TXNDC16: variants seen among roughly 807,000 people sequenced by gnomAD.
The protein encoded by TXNDC16 is thioredoxin domain-containing protein 16.
TXNDC16 carries 74 observed loss-of-function variants against 85.6 expected under a neutral mutation model. The observed-to-expected ratio is 0.86, with a 90% CI of 0.72 to 1.05. The LOEUF (loss-of-function observed/expected upper bound fraction) is 1.05, where lower values mean the gene tolerates loss of function less well. TXNDC16 is among the 50% of genes least tolerant of loss of function. The pLI, the probability that TXNDC16 is intolerant of heterozygous loss-of-function variation, is 0.00. For synonymous variants in TXNDC16, 335 were observed against 326.5 expected (o/e 1.03, Z -0.28); for missense variants, 959 against 947.0 (o/e 1.01, Z -0.17).
chr14:52,464,072 T>C (rs2140124499), intron 16 of TXNDC16, among the ~76,000 whole-genome samples: 1 of 152,330 alleles, frequency 6.6e-6, no homozygotes, highest in Non-Finnish European at 1.5e-5. Flanking sequence ...TTGACTTGTA[T>C]TGCGAGATGA....
At chr14:52,541,320 T>G (rs2037826891) in intron 4 of TXNDC16, among the ~76,000 whole-genome samples, 1 of 152,226 alleles carries the variant, frequency 6.6e-6, no homozygotes, top group Non-Finnish European at 1.5e-5. Context: ...CTATTCAAGT[T>G]ACTATATGCA....
chr14:52,435,966 G>A (rs1447511068), intron 20 of TXNDC16, among the ~76,000 whole-genome samples: 2 of 151,944 alleles, frequency 1.3e-5, no homozygotes, highest in East Asian at 1.9e-4. Context: ...GTGACAGAGT[G>A]AGACCCTGTC....
At chr14:52,461,860 T>C (rs2035659805) in intron 16 of TXNDC16, among the ~76,000 whole-genome samples, 1 of 152,252 alleles carries the variant, frequency 6.6e-6, no homozygotes. Context: ...TGCAAAGCTC[T>C]AGGGAAGCTC....
chr14:52,530,585 T>C (rs1206773185), intron 6 of TXNDC16, among the ~76,000 whole-genome samples: 2 of 34,860 alleles, frequency 5.7e-5, no homozygotes, highest in African/African-American at 3.0e-4. Flanking sequence ...ATAATTATTA[T>C]ATATAATATA....
chr14:52,445,957 GAC>G (rs1347826105), intron 18 of TXNDC16, among the ~76,000 whole-genome samples: 1 of 152,190 alleles, frequency 6.6e-6, no homozygotes, highest in Non-Finnish European at 1.5e-5. Flanking sequence ...CCTTTCATAA[GAC>G]AATATTTTTT....
intron 6 of TXNDC16, among the ~76,000 whole-genome samples, chr14:52,530,192 T>TATAAAATA (rs2037473002): frequency 1.2e-5 from 1 of 80,376 alleles, no homozygotes; most frequent in Non-Finnish European, 2.1e-5. Context: ...ATATATTATA[T>TATAAAATA]TTATATATAT....
At chr14:52,454,580 G>C (rs1273057569) in intron 18 of TXNDC16, among the ~76,000 whole-genome samples, 2 of 147,538 alleles carry the variant, frequency 1.4e-5, no homozygotes, top group African/African-American at 2.5e-5. Flanking sequence ...GAGGCAGGCG[G>C]ATCACTTGAG....
At chr14:52,477,050 C>A (rs1594711174) in intron 14 of TXNDC16, among the ~76,000 whole-genome samples, 1 of 152,090 alleles carries the variant, frequency 6.6e-6, no homozygotes, top group Non-Finnish European at 1.5e-5. Flanking sequence ...AATTATCAGC[C>A]AAGAATTTTG....
intron 13 of TXNDC16, 84 bp from the exon 14 acceptor site, chr14:52,482,373 A>T (rs1467348852): frequency 8.5e-7 from 1 of 1,181,848 alleles, no homozygotes; most frequent in South Asian, 1.4e-5. Flanking sequence ...ATACAGATTT[A>T]TGAGGTTTCC....
chr14:52,540,341 T>C (rs1020872515), intron 4 of TXNDC16, among the ~76,000 whole-genome samples: 2 of 152,182 alleles, frequency 1.3e-5, no homozygotes, highest in African/African-American at 4.8e-5. Flanking sequence ...TAAACTTCAA[T>C]GGGCTAGGCG....
At chr14:52,544,022 A>C (rs1017580723) in intron 2 of TXNDC16, among the ~76,000 whole-genome samples, 29 of 152,240 alleles carry the variant, frequency 1.9e-4, no homozygotes, top group African/African-American at 7.0e-4. Context: ...ATGGGAGTGA[A>C]ACAGCCAAAA....
At chr14:52,448,221 AAAG>A (rs2035329304) in intron 18 of TXNDC16, among the ~76,000 whole-genome samples, 1 of 152,136 alleles carries the variant, frequency 6.6e-6, no homozygotes. Flanking sequence ...GATTTAACCC[AAAG>A]AAGATTACTT....
chr14:52,528,655 T>C (rs1470449008), intron 6 of TXNDC16, among the ~76,000 whole-genome samples: 2 of 151,114 alleles, frequency 1.3e-5, no homozygotes, highest in Admixed American at 1.3e-4. Context: ...AATTGCTTAG[T>C]AGTAAGTCAC....
chr14:52,524,377 G>C (rs2037278144), intron 6 of TXNDC16, among the ~76,000 whole-genome samples: 1 of 152,222 alleles, frequency 6.6e-6, no homozygotes, highest in Non-Finnish European at 1.5e-5. Context: ...ACAAAATACA[G>C]TATTGTCACA....
At position 52,530,453 on chromosome 14, in the gene TXNDC16, TA is replaced by T. The variant is rs374656275; in HGVS notation, c.392+6265del. Among the ~76,000 whole-genome samples the T allele has an allele frequency of 3.6e-3, 36 of 9,868 alleles. 2 individuals carry two copies. The highest frequency in any genetic ancestry group is 8.8e-3 in the South Asian group (2 of 228). 6.5% of individuals were successfully genotyped at this position (9,868 alleles called of 152,430 possible). A position where few individuals can be genotyped will look rare whatever the true frequency, so the allele number is the denominator to read the frequency against. On this transcript the variant is annotated intron_variant, in intron 6 of 20. Transcript: ENST00000281741. ...TAATAATATATAATATATTATTATA[TA>T]ATAATATATATTATATATTATTATA...
chr14:52,470,110 C>T lies in TXNDC16; in HGVS notation c.1545G>A (p.Gly515=). ...ACAAGATGAGGTCTTTATATAATTC[C>T]CCACTTAAATATTCTTCTGCTTCTT... ...SIQEAEEYLS[G]ELYKDLILYS... Residue 515 remains glycine, a synonymous_variant, in exon 16 of 21, where the codon GGG becomes GGA. Transcript: ENST00000281741. 15 of 1,610,832 alleles carry T rather than the reference C, an allele frequency of 9.3e-6. No individual in the cohort carries two copies. Among genetic ancestry groups the T allele is most frequent in the Non-Finnish European group, 1.3e-5 (15 of 1,178,224 alleles).
chr14:52,502,741 A>G (rs10132330), intron 9 of TXNDC16, among the ~76,000 whole-genome samples: 77,450 of 151,604 alleles, frequency 0.51, 20,702 homozygotes, highest in East Asian at 0.7. Flanking sequence ...GACAGTCGGT[A>G]CAGCGCACCG....
At chr14:52,477,678 C>T (rs1405487377) in intron 14 of TXNDC16, among the ~76,000 whole-genome samples, 1 of 152,084 alleles carries the variant, frequency 6.6e-6, no homozygotes, top group East Asian at 1.9e-4. Context: ...ATTTATAAAA[C>T]AATTACTAAT....
intron 3 of TXNDC16, 30 bp downstream of exon 3, chr14:52,543,368 G>T: frequency 6.3e-7 from 1 of 1,582,328 alleles, no homozygotes; most frequent in South Asian, 1.2e-5. Context: ...AACATCACAA[G>T]AATCATATTA....
Sources: gnomAD v4.1 joint callset for allele counts (sites outside exome capture counted in the v4.1 genomes callset) on GRCh38, gnomAD v4.1.1 for gene constraint, MANE v1.5 for transcripts, NCBI Gene and HGNC (gene_info 2026-07-23, HGNC 2026-07-21) for gene names.